Variants in MAP3K5 observed in about 807,000 individuals in gnomAD.
The protein encoded by MAP3K5 is mitogen-activated protein kinase kinase kinase 5.
A neutral mutation model predicts 158.7 loss-of-function variants in MAP3K5; 56 were observed. The ratio of observed to expected loss-of-function variants is 0.35; its 90% CI spans 0.28 to 0.44. MAP3K5 has a LOEUF of 0.44. Among genes scored for constraint, MAP3K5 ranks in the 20% least tolerant of loss-of-function variants. MAP3K5 has a pLI of 1.00. For synonymous variants in MAP3K5, 579 were observed against 601.7 expected, an observed-to-expected ratio of 0.96 and a Z score of 0.55; for missense variants, 1,294 against 1,674.8, an observed-to-expected ratio of 0.77 and a Z score of 3.97.
chr6:136,724,986 C>A (rs1037972659), intron 1 of MAP3K5, among the ~76,000 whole-genome samples: 1 of 152,068 alleles, frequency 6.6e-6, no homozygotes, highest in South Asian at 2.1e-4. Context: ...ATTTACTGTC[C>A]CTAAAGTTTT....
chr6:136,739,073 C>T (rs756412359), intron 1 of MAP3K5, among the ~76,000 whole-genome samples: 22 of 152,070 alleles, frequency 1.4e-4, no homozygotes, highest in Non-Finnish European at 1.6e-4. Context: ...AGTGTGTTGA[C>T]GACATGACAC....
intron 15 of MAP3K5, among the ~76,000 whole-genome samples, chr6:136,619,139 G>A (rs1452257960): frequency 2.6e-5 from 4 of 152,084 alleles, no homozygotes; most frequent in Non-Finnish European, 2.9e-5. Flanking sequence ...TGCATGGGAG[G>A]GGGTGTCTTT....
intron 1 of MAP3K5, among the ~76,000 whole-genome samples, chr6:136,732,256 C>T (rs546102148): frequency 1.8e-4 from 27 of 152,210 alleles, no homozygotes; most frequent in South Asian, 1.2e-3. Flanking sequence ...GAAATACCGT[C>T]TCTACCAAAA....
intron 2 of MAP3K5, among the ~76,000 whole-genome samples, chr6:136,708,287 G>A (rs1012046206): frequency 1.1e-4 from 13 of 118,724 alleles, no homozygotes; most frequent in African/African-American, 2.9e-4. Flanking sequence ...ACAGGATCTC[G>A]CTATGTTACC....
chr6:136,596,338 G>A (rs532903038), intron 21 of MAP3K5, among the ~76,000 whole-genome samples: 42 of 152,306 alleles, frequency 2.8e-4, no homozygotes, highest in African/African-American at 9.9e-4. Flanking sequence ...AGTAGGTTGA[G>A]AAAGGCACTT....
chr6:136,738,340 A>T (rs899446096), intron 1 of MAP3K5, among the ~76,000 whole-genome samples: 1 of 152,092 alleles, frequency 6.6e-6, no homozygotes, highest in Admixed American at 6.6e-5. Context: ...TTGAGACCTT[A>T]TAGCTGCGGA....
At chr6:136,747,906 A>G (rs1054122899) in intron 1 of MAP3K5, among the ~76,000 whole-genome samples, 1 of 152,240 alleles carries the variant, frequency 6.6e-6, no homozygotes, top group African/African-American at 2.4e-5. Flanking sequence ...TCAGCATACA[A>G]TGAAGCCAAC....
chr6:136,789,826 C>T (rs1330333266), intron 1 of MAP3K5, among the ~76,000 whole-genome samples: 1 of 151,938 alleles, frequency 6.6e-6, no homozygotes, highest in Non-Finnish European at 1.5e-5. Context: ...GTAGCTAGGA[C>T]TACAGGTGTG....
At chr6:136,640,253 T>C (rs1476404753) in intron 12 of MAP3K5, among the ~76,000 whole-genome samples, 2 of 152,208 alleles carry the variant, frequency 1.3e-5, no homozygotes, top group East Asian at 1.9e-4. Flanking sequence ...TAAAATACTT[T>C]AGGTTTTTCA....
At chr6:136,705,209 G>A in intron 2 of MAP3K5, 76 bp from the exon 3 acceptor site, 2 of 682,748 alleles carry the variant, frequency 2.9e-6, no homozygotes, top group South Asian at 2.0e-5. Context: ...TGAACTATGT[G>A]GGAAAATTTG....
chr6:136,742,336 A>C (rs111655069), intron 1 of MAP3K5, among the ~76,000 whole-genome samples: 1 of 152,324 alleles, frequency 6.6e-6, no homozygotes, highest in African/African-American at 2.4e-5. Context: ...ACATAAACAC[A>C]GTCAACTGAT....
rs1562561484 is a variant in MAP3K5 at position 136,629,768 on chromosome 6, TTTATTTATTTATTTA to T, written c.2017-6802_2017-6788del. On this transcript the variant is annotated intron_variant, in intron 14 of 29. Transcript: ENST00000359015. Reference sequence around the variant, plus strand: ...GGCGCCCGGCCATATCTCACCTTCATTTATTTATTTATTTATTTATTTATTTATTTATTTATTTAT... The same window carrying T: ...GGCGCCCGGCCATATCTCACCTTCATTTTATTTATTTATTTATTTATTTAT... Among the ~76,000 whole-genome samples, 86 of 19,542 alleles carry T rather than the reference TTTATTTATTTATTTA, an allele frequency of 4.4e-3. 1 individual carries two copies. The highest frequency in any genetic ancestry group is 0.016 in the African/African-American group (80 of 4,986). 12.8% of individuals were successfully genotyped at this position (19,542 alleles called of 152,430 possible).
At chr6:136,691,171 T>C (rs572771084) in intron 7 of MAP3K5, among the ~76,000 whole-genome samples, 44 of 152,300 alleles carry the variant, frequency 2.9e-4, no homozygotes, top group African/African-American at 1.0e-3. Context: ...GCTCCTTGGG[T>C]TTTGCTGAGC....
chr6:136,757,465 A>G (rs764589782), intron 1 of MAP3K5, among the ~76,000 whole-genome samples: 6 of 152,228 alleles, frequency 3.9e-5, no homozygotes, highest in Non-Finnish European at 7.3e-5. Context: ...AGATTTGTAA[A>G]TAATGTTCAT....
intron 10 of MAP3K5, among the ~76,000 whole-genome samples, chr6:136,654,234 C>T (rs1778645325): frequency 6.6e-6 from 1 of 152,152 alleles, no homozygotes; most frequent in African/African-American, 2.4e-5. Flanking sequence ...CAGATAGAAT[C>T]CCAGAATATT....
At chr6:136,711,044 C>T (rs938826262) in intron 2 of MAP3K5, among the ~76,000 whole-genome samples, 20 of 152,120 alleles carry the variant, frequency 1.3e-4, no homozygotes, top group African/African-American at 4.6e-4. Flanking sequence ...CTAAAACAAG[C>T]TGAGCAGACT....
At position 136,639,466 on chromosome 6, in the gene MAP3K5, G is replaced by C. The variant is rs6899936; in HGVS notation, c.1934+77C>G. ...ACATAGCCATGCATTCTTCACAGGA[G>C]GTACATGTTCACTCATTACTTGAAA... is the stretch of plus-strand genomic sequence containing the variant. On this transcript the variant is annotated intron_variant, in intron 13 of 29. Coordinates refer to ENST00000359015, the MANE Select transcript of MAP3K5 (RefSeq NM_005923.4). The C allele has an allele frequency of 5.4e-3, 3,903 of 717,452 alleles. 95 individuals carry two copies. The African/African-American group carries it at 0.062, about 11-fold the overall frequency. 44.4% of individuals were successfully genotyped at this position (717,452 alleles called of 1,614,324 possible). A position where few individuals can be genotyped will look rare whatever the true frequency, so the allele number is the denominator to read the frequency against.
chr6:136,561,696 T>G (rs2129068103), intron 27 of MAP3K5, 51 bp from the exon 28 acceptor site: 1 of 971,718 alleles, frequency 1.0e-6, no homozygotes, highest in East Asian at 2.4e-5. Context: ...ACAGAGGTCA[T>G]CTGAGACCCT....
chr6:136,566,044 C>G (rs544938461), intron 26 of MAP3K5, among the ~76,000 whole-genome samples: 1 of 152,106 alleles, frequency 6.6e-6, no homozygotes, highest in Admixed American at 6.5e-5. Flanking sequence ...CAGCTAGAAC[C>G]AAGAGACACT....
Sources: allele counts gnomAD v4.1 joint callset (sites outside exome capture counted in the v4.1 genomes callset), GRCh38; gene constraint gnomAD v4.1.1; transcripts MANE v1.5; gene names NCBI Gene and HGNC (gene_info 2026-07-23, HGNC 2026-07-21).